Variants in CPS1 observed in about 807,000 individuals in gnomAD.
CPS1 encodes carbamoyl-phosphate synthase [ammonia], mitochondrial.
CPS1 carries 109 observed loss-of-function variants against 174.6 expected under a neutral mutation model. The ratio of observed to expected loss-of-function variants is 0.62; its 90% CI spans 0.53 to 0.73. CPS1 has a LOEUF of 0.73. Among genes scored for constraint, CPS1 ranks in the 30% least tolerant of loss-of-function variants. The pLI, the probability that CPS1 is intolerant of heterozygous loss-of-function variation, is 0.00. For synonymous variants in CPS1, 637 were observed against 632.0 expected (o/e 1.01, Z -0.12); for missense variants, 1,689 against 1,821.9 (o/e 0.93, Z 1.33).
chr2:210,646,936 T>C (rs942396445), intron 25 of CPS1, among the ~76,000 whole-genome samples: 1 of 141,906 alleles, frequency 7.0e-6, no homozygotes, highest in Non-Finnish European at 1.5e-5. Context: ...TAGTGGACTA[T>C]TTTTTTTTTT....
chr2:210,636,035 A>G (rs1025201476), intron 21 of CPS1, among the ~76,000 whole-genome samples: 3 of 152,228 alleles, frequency 2.0e-5, no homozygotes, highest in African/African-American at 7.2e-5. Context: ...ATTTAATCCA[A>G]TTACATTTTA....
intron 1 of CPS1, among the ~76,000 whole-genome samples, chr2:210,509,511 G>A (rs1186089559): frequency 6.6e-6 from 1 of 152,146 alleles, no homozygotes; most frequent in Non-Finnish European, 1.5e-5. Context: ...ATTCAACATA[G>A]TGTTGGAAGT....
chr2:210,606,606 C>T, intron 17 of CPS1, 125 bp from the exon 18 acceptor site: 2 of 877,260 alleles, frequency 2.3e-6, no homozygotes, highest in Non-Finnish European at 3.7e-6. Flanking sequence ...TACCTGATAT[C>T]ACATATATAT....
In CPS1 at chr2:210,642,747, A is replaced by G. The variant is rs188614844; in HGVS notation, c.3141+82A>G. 150 of 1,212,886 alleles carry G rather than the reference A, an allele frequency of 1.2e-4. No individual in the cohort carries two copies. In the African/African-American group the frequency reaches 2.0e-3, roughly 16 times the overall value. 75.1% of individuals were successfully genotyped at this position (1,212,886 alleles called of 1,614,324 possible). A position where few individuals can be genotyped will look rare whatever the true frequency, so the allele number is the denominator to read the frequency against. ...ACTTTATATATATGCATTCTGGTAT[A>G]TAGATGTATATAGTAATTCCTCTTA... is the stretch of plus-strand genomic sequence containing the variant. On this transcript the variant is annotated intron_variant, in intron 25 of 37. Coordinates refer to ENST00000233072, the MANE Select transcript of CPS1 (RefSeq NM_001875.5).
At position 210,677,135 on chromosome 2, in the gene CPS1, A is replaced by G. The variant is rs764544501; in HGVS notation, c.4403A>G (p.Gln1468Arg). The part of the protein sequence containing the change: ...DSGIPLLTNF[Q>R]VTKLFAEAVQ... Reference sequence around the variant, plus strand: ...GGAATCCCTCTCCTCACTAATTTTCAGGTATAGTCTTTTCCTTGGATATAG... The same window carrying G: ...GGAATCCCTCTCCTCACTAATTTTCGGGTATAGTCTTTTCCTTGGATATAG... The change falls in exon 37 of 38, where the codon CAG becomes CGG. Residue 1468 changes from glutamine to arginine, a missense_variant and splice_region_variant. Transcript: ENST00000233072. 9 of 1,613,714 alleles carry G rather than the reference A, an allele frequency of 5.6e-6. No homozygotes were observed. Among genetic ancestry groups the G allele is most frequent in the Admixed American group, 3.3e-5 (2 of 59,996 alleles).
At chr2:210,658,752 T>C (rs1305265135) in intron 31 of CPS1, 64 bp downstream of exon 31, 5 of 1,161,546 alleles carry the variant, frequency 4.3e-6, no homozygotes, top group Non-Finnish European at 6.5e-6. Flanking sequence ...GGTTTGCATC[T>C]CTCTGGTAAT....
chr2:210,588,029 C>T (rs777393786), intron 6 of CPS1, 29 bp from the exon 7 acceptor site: 6 of 1,604,594 alleles, frequency 3.7e-6, no homozygotes, highest in East Asian at 2.2e-5. Context: ...TGGGACTTCC[C>T]TCTCATTCTC....
At chr2:210,592,807 C>A (rs368341152) in intron 10 of CPS1, 72 bp from the exon 11 acceptor site, 9 of 1,429,624 alleles carry the variant, frequency 6.3e-6, no homozygotes, top group Middle Eastern at 1.8e-4. Context: ...TTATTGTTCC[C>A]TGAATAATAC....
chr2:210,605,635 G>T (rs374785513), intron 17 of CPS1, among the ~76,000 whole-genome samples: 2 of 151,838 alleles, frequency 1.3e-5, no homozygotes, highest in Admixed American at 1.3e-4. Flanking sequence ...TTTCAGAAAA[G>T]TACACTAGTT....
chr2:210,485,335 GTA>G (rs898226814), intron 1 of CPS1, among the ~76,000 whole-genome samples: 3 of 152,058 alleles, frequency 2.0e-5, no homozygotes, highest in Non-Finnish European at 2.9e-5. Context: ...TTTGACTTAG[GTA>G]TATACCCATA....
chr2:210,647,660 G>A (rs1056968361), intron 25 of CPS1, among the ~76,000 whole-genome samples: 3 of 152,200 alleles, frequency 2.0e-5, no homozygotes, highest in Admixed American at 6.5e-5. Flanking sequence ...GTACTTGTAT[G>A]GAAATCTTGC....
At chr2:210,535,464 T>C (rs1388584491) in intron 1 of CPS1, among the ~76,000 whole-genome samples, 1 of 152,230 alleles carries the variant, frequency 6.6e-6, no homozygotes, top group African/African-American at 2.4e-5. Flanking sequence ...TTTTATACTA[T>C]AAATGCTATG....
At chr2:210,500,721 C>A (rs1029195149) in intron 1 of CPS1, among the ~76,000 whole-genome samples, 1 of 152,202 alleles carries the variant, frequency 6.6e-6, no homozygotes, top group African/African-American at 2.4e-5. Context: ...TCACGACTGG[C>A]ACTGAGTGTT....
At chr2:210,645,340 A>G (rs939582185) in intron 25 of CPS1, among the ~76,000 whole-genome samples, 5 of 152,150 alleles carry the variant, frequency 3.3e-5, no homozygotes, top group African/African-American at 9.7e-5. Flanking sequence ...CAAAAAAAAA[A>G]AGTAGTTTTT....
chr2:210,601,503 A>G (rs756950987), intron 15 of CPS1, among the ~76,000 whole-genome samples: 3 of 151,986 alleles, frequency 2.0e-5, no homozygotes, highest in Non-Finnish European at 2.9e-5. Flanking sequence ...AAATAATCCC[A>G]GGATAACTCT....
At chr2:210,639,255 T>C (rs1264434743) in intron 23 of CPS1, 40 bp downstream of exon 23, 1 of 1,410,746 alleles carries the variant, frequency 7.1e-7, no homozygotes, top group East Asian at 2.3e-5. Flanking sequence ...AAGCTCTAGA[T>C]TTCATAGACA....
At chr2:210,578,150 C>A (rs1697776504) in intron 4 of CPS1, among the ~76,000 whole-genome samples, 1 of 151,564 alleles carries the variant, frequency 6.6e-6, no homozygotes, top group South Asian at 2.1e-4. Context: ...CTCTTGTTGC[C>A]CAGGCTGGAG....
chr2:210,593,067 A>G (rs1474555602), intron 11 of CPS1, 111 bp downstream of exon 11: 1 of 952,598 alleles, frequency 1.0e-6, no homozygotes, highest in African/African-American at 1.6e-5. Context: ...AACATTCTCA[A>G]GAAGAGTGCT....
intron 1 of CPS1, among the ~76,000 whole-genome samples, chr2:210,520,760 G>C (rs768693540): frequency 1.9e-4 from 29 of 151,872 alleles, no homozygotes; most frequent in Non-Finnish European, 3.8e-4. Flanking sequence ...CCTCCATATT[G>C]TTGTGTTTGG....
Sources: gnomAD v4.1 joint callset for allele counts (sites outside exome capture counted in the v4.1 genomes callset) on GRCh38, gnomAD v4.1.1 for gene constraint, MANE v1.5 for transcripts, NCBI Gene and HGNC (gene_info 2026-07-23, HGNC 2026-07-21) for gene names.